The following KCNN2 variants were observed in gnomAD, a reference collection of about 807,000 sequenced individuals.
KCNN2 encodes small conductance calcium-activated potassium channel protein 2.
A neutral mutation model predicts 55.5 loss-of-function variants in KCNN2; 24 were observed. The ratio of observed to expected loss-of-function variants is 0.43; its 90% confidence interval spans 0.31 to 0.61. The LOEUF (loss-of-function observed/expected upper bound fraction) is 0.61. Among genes scored for constraint, KCNN2 ranks in the 20% least tolerant of loss-of-function variants. The probability of loss-of-function intolerance (pLI) is 0.08; values close to 1 mark genes in which losing one functional copy is unlikely to be tolerated. For missense variants in KCNN2, 754 were observed against 853.6 expected, an observed-to-expected ratio of 0.88 and a Z score of 1.45; for synonymous variants, 431 against 336.1, an observed-to-expected ratio of 1.28 and a Z score of -3.09.
At chr5:114,202,585 A>T (rs6896182) in intron 1 of KCNN2, among the ~76,000 whole-genome samples, 19,820 of 92,018 alleles carry the variant, frequency 0.22, 2,614 homozygotes, top group East Asian at 0.57. Flanking sequence ...ATATATATAT[A>T]TTTTTTTTTT....
intron 2 of KCNN2, among the ~76,000 whole-genome samples, chr5:114,295,362 C>T (rs1223670966): frequency 6.6e-6 from 1 of 152,190 alleles, no homozygotes; most frequent in Non-Finnish European, 1.5e-5. Flanking sequence ...CCAGTTCGAG[C>T]TTCCAGGCTG....
intron 4 of KCNN2, among the ~76,000 whole-genome samples, chr5:114,471,512 A>G (rs528546299): frequency 5.9e-5 from 9 of 152,326 alleles, no homozygotes; most frequent in Non-Finnish European, 7.4e-5. Context: ...TAGAGATTCA[A>G]GTGTATGTGA....
At chr5:114,467,827 C>G (rs1211394127) in intron 4 of KCNN2, among the ~76,000 whole-genome samples, 1 of 152,208 alleles carries the variant, frequency 6.6e-6, no homozygotes, top group African/African-American at 2.4e-5. Flanking sequence ...ACTATCAGCA[C>G]TTTTAATTGG....
At chr5:114,084,656 A>G (rs1367394060) in intron 1 of KCNN2, among the ~76,000 whole-genome samples, 1 of 151,978 alleles carries the variant, frequency 6.6e-6, no homozygotes, top group Admixed American at 6.6e-5. Flanking sequence ...AGAGCAGATA[A>G]TTTTAATTTT....
chr5:114,152,106 A>G (rs1188141661), intron 1 of KCNN2, among the ~76,000 whole-genome samples: 2 of 152,206 alleles, frequency 1.3e-5, no homozygotes, highest in East Asian at 1.9e-4. Context: ...TATGGATGAG[A>G]ATAAGTGCTT....
chr5:114,452,854 C>CTG (rs746622984), intron 3 of KCNN2, among the ~76,000 whole-genome samples: 9 of 152,288 alleles, frequency 5.9e-5, no homozygotes, highest in Admixed American at 2.0e-4. Flanking sequence ...TCCTTTTGAA[C>CTG]TTAGATATGT....
intron 1 of KCNN2, among the ~76,000 whole-genome samples, chr5:114,163,280 AT>A (rs1488481146): frequency 6.6e-6 from 1 of 151,924 alleles, no homozygotes; most frequent in Non-Finnish European, 1.5e-5. Context: ...AATGCCCTTT[AT>A]TTATTTCTCT....
At chr5:114,338,334 T>G (rs1756957284) in intron 2 of KCNN2, among the ~76,000 whole-genome samples, 1 of 152,242 alleles carries the variant, frequency 6.6e-6, no homozygotes, top group Non-Finnish European at 1.5e-5. Flanking sequence ...TATGTACACG[T>G]ATGTAGGGAC....
chr5:114,142,889 A>G (rs566413743), intron 1 of KCNN2, among the ~76,000 whole-genome samples: 1 of 152,324 alleles, frequency 6.6e-6, no homozygotes, highest in African/African-American at 2.4e-5. Flanking sequence ...TGGAACCAAA[A>G]AAGAGCCCGC....
chr5:114,322,584 C>CAA (rs1756633323), intron 2 of KCNN2, among the ~76,000 whole-genome samples: 1 of 151,568 alleles, frequency 6.6e-6, no homozygotes, highest in Non-Finnish European at 1.5e-5. Context: ...CATACACACA[C>CAA]ACACACACAC....
At chr5:114,132,228 T>G (rs1258234904) in intron 1 of KCNN2, among the ~76,000 whole-genome samples, 1 of 152,238 alleles carries the variant, frequency 6.6e-6, no homozygotes, top group African/African-American at 2.4e-5. Flanking sequence ...TGAATGGTAG[T>G]GCCTAGATTT....
intron 2 of KCNN2, among the ~76,000 whole-genome samples, chr5:114,289,915 T>C (rs192446299): frequency 1.3e-5 from 2 of 152,348 alleles, no homozygotes; most frequent in Non-Finnish European, 2.9e-5. Flanking sequence ...TTTTATTCTT[T>C]TGGGTACTAT....
At chr5:114,485,067 C>T (rs1054907448) in intron 5 of KCNN2, among the ~76,000 whole-genome samples, 5 of 152,106 alleles carry the variant, frequency 3.3e-5, no homozygotes, top group African/African-American at 1.2e-4. Context: ...TTTTTAAAAG[C>T]GTATTGACTT....
chr5:114,263,302 T>C (rs1246622400), intron 2 of KCNN2, among the ~76,000 whole-genome samples: 2 of 152,224 alleles, frequency 1.3e-5, no homozygotes, highest in East Asian at 1.9e-4. Flanking sequence ...AGAAGTCACA[T>C]GAAGTGAAGC....
intron 3 of KCNN2, among the ~76,000 whole-genome samples, chr5:114,405,241 A>G (rs568626633): frequency 1.1e-4 from 16 of 152,328 alleles, no homozygotes; most frequent in Non-Finnish European, 2.1e-4. Flanking sequence ...CCTGTCAAAC[A>G]GTGTTGATGC....
chr5:114,360,456 A>G (rs1180734430), upstream of KCNN2, among the ~76,000 whole-genome samples: 1 of 152,224 alleles, frequency 6.6e-6, no homozygotes, highest in Non-Finnish European at 1.5e-5. Context: ...AACTCGTTGT[A>G]ATAGTCTTTA....
chr5:114,408,497 T>G (rs1361465929), intron 3 of KCNN2, among the ~76,000 whole-genome samples: 2 of 152,206 alleles, frequency 1.3e-5, no homozygotes, highest in Non-Finnish European at 2.9e-5. Context: ...ATGGTAATGC[T>G]TTGTTTCCTA....
intron 1 of KCNN2, chr5:114,056,568 A>G: frequency 7.6e-6 from 3 of 396,136 alleles, no homozygotes; most frequent in Non-Finnish European, 1.3e-5. Flanking sequence ...TCCCCTAGGG[A>G]GGATACTAAA....
Position 114,062,093 on chromosome 5 carries a change from A to G in KCNN2, c.-271+5593A>G, listed in dbSNP as rs1458883059. On this transcript the variant is annotated intron_variant, in intron 1 of 10. Transcript: ENST00000512097. ...GCTTATGGTTATTTATTTAAGATAT[A>G]TGGGTTCTTTTTTTTTTTTTATAAA... Among the ~76,000 whole-genome samples the G allele has an allele frequency of 4.0e-5, 6 of 150,562 alleles. No homozygotes were observed. In the East Asian group the frequency reaches 5.8e-4, roughly 15 times the overall value.
Sources: allele counts gnomAD v4.1 joint callset (sites outside exome capture counted in the v4.1 genomes callset), GRCh38; gene constraint gnomAD v4.1.1; transcripts MANE v1.5; gene names NCBI Gene and HGNC (gene_info 2026-07-23, HGNC 2026-07-21).